The following ZNF33A variants were observed in gnomAD, a reference collection of about 807,000 sequenced individuals.
The protein encoded by ZNF33A is zinc finger protein 33A.
In ZNF33A, 9 loss-of-function variants were observed where a neutral mutation model predicts 15.9. The ratio of observed to expected loss-of-function variants is 0.57; its 90% CI spans 0.34 to 0.99. ZNF33A has a LOEUF of 0.99. Ranked by LOEUF, ZNF33A falls within the 50% of genes least tolerant of loss-of-function variation. The pLI is 0.02. For missense variants in ZNF33A, 843 were observed against 941.6 expected (o/e 0.90, Z 1.37); for synonymous variants, 294 against 324.2 (o/e 0.91, Z 1.00).
At chr10:38,027,670 A>G (rs1046303373) in intron 4 of ZNF33A, among the ~76,000 whole-genome samples, 1 of 152,114 alleles carries the variant, frequency 6.6e-6, no homozygotes, top group Non-Finnish European at 1.5e-5. Flanking sequence ...GTTAACTGTA[A>G]GAACTGTCAG....
chr10:38,034,098 A>G (rs1270016600), intron 4 of ZNF33A, among the ~76,000 whole-genome samples: 1 of 152,228 alleles, frequency 6.6e-6, no homozygotes, highest in African/African-American at 2.4e-5. Flanking sequence ...CATGACTTAT[A>G]GAAAAATTGG....
At chr10:38,014,515 C>T (rs1228365073) in intron 2 of ZNF33A, among the ~76,000 whole-genome samples, 1 of 152,202 alleles carries the variant, frequency 6.6e-6, no homozygotes, top group Non-Finnish European at 1.5e-5. Context: ...ACATCTCTTT[C>T]ATTGGAATGA....
At chr10:38,036,709 T>C (rs2065469918) in intron 4 of ZNF33A, among the ~76,000 whole-genome samples, 2 of 152,162 alleles carry the variant, frequency 1.3e-5, no homozygotes, top group African/African-American at 4.8e-5. Flanking sequence ...CTCTTCACTC[T>C]TACTCAACAT....
At chr10:38,038,439 T>G in intron 4 of ZNF33A, among the ~76,000 whole-genome samples, 1 of 152,230 alleles carries the variant, frequency 6.6e-6, no homozygotes. Flanking sequence ...ATTTGTTTGT[T>G]GTTAGTGAAC....
rs2135766805 is a variant in ZNF33A at position 38,055,386 on chromosome 10, C to G, written c.1262C>G (p.Thr421Ser). 1 of 1,613,862 alleles carries G rather than the reference C, an allele frequency of 6.2e-7. No individual in the cohort carries two copies. Among genetic ancestry groups the G allele is most frequent in the East Asian group, 2.2e-5 (1 of 44,812 alleles). Reference sequence around the variant, plus strand: ...TATCAATGTAATGCGTGTGGGAAAACTTTTTGCCAGAAATCTGACCTCACT... The same window carrying G: ...TATCAATGTAATGCGTGTGGGAAAAGTTTTTGCCAGAAATCTGACCTCACT... Reference protein sequence around the residue: ...KPYQCNACGKTFCQKSDLTKH... With the variant: ...KPYQCNACGKSFCQKSDLTKH... The change falls in exon 5 of 5, where the codon ACT becomes AGT. Residue 421 changes from threonine (T) to serine (S), a missense_variant. Physicochemically the swap from Thr to Ser is moderately conservative, Grantham distance 58. Transcript: ENST00000432900.
intron 4 of ZNF33A, among the ~76,000 whole-genome samples, chr10:38,037,410 G>GC (rs766246518): frequency 6.6e-6 from 1 of 151,260 alleles, no homozygotes; most frequent in Non-Finnish European, 1.5e-5. Context: ...TGCAACCTCT[G>GC]CCCCCTGGGT....
intron 4 of ZNF33A, among the ~76,000 whole-genome samples, chr10:38,031,218 C>A (rs570615239): frequency 1.6e-4 from 25 of 152,206 alleles, no homozygotes; most frequent in African/African-American, 6.0e-4. Flanking sequence ...ATGGAGAAAA[C>A]TGGGTGAGGG....
Position 38,039,398 on chromosome 10 carries a change from G to GTTTT in ZNF33A, c.251-14970_251-14967dup, listed in dbSNP as rs59435586. ...CCAGCACACCCAGCTAATTTTTTGT[G>GTTTT]TTTTTTTTTTGTAGAGATGGGGTTT... is the stretch of plus-strand genomic sequence containing the variant. On this transcript the variant is annotated intron_variant, in intron 4 of 4. Coordinates refer to ENST00000432900, the MANE Select transcript of ZNF33A (RefSeq NM_006954.2). 507 of 391,698 alleles carry GTTTT rather than the reference G, an allele frequency of 1.3e-3. 1 individual carries two copies. Among genetic ancestry groups the GTTTT allele is most frequent in the Non-Finnish European group, 1.9e-3 (382 of 196,248 alleles). The allele number at this position is 391,698 out of a possible 1,614,324, so 24.3% of individuals were successfully genotyped here.
Position 38,059,575 on chromosome 10 carries a change from C to T in ZNF33A, c.*3015C>T, listed in dbSNP as rs1211124760. The stretch of plus-strand genomic sequence containing the variant: ...AGTCATTAAAAGACACGGAGAAACC[C>T]TAAATGCTTATTGTTAAGTGAAAAC... On this transcript the variant is annotated 3_prime_UTR_variant, in exon 5 of 5. Coordinates refer to ENST00000432900, the MANE Select transcript of ZNF33A (RefSeq NM_006954.2). 6.6e-6 allele frequency: 1 copy of T among 152,104 alleles called. No homozygotes were observed. The highest frequency in any genetic ancestry group is 1.5e-5 in the Non-Finnish European group (1 of 68,014). 9.4% of individuals were successfully genotyped at this position (152,104 alleles called of 1,614,324 possible).
downstream of ZNF33A, among the ~76,000 whole-genome samples, chr10:38,065,359 C>G (rs1260984705): frequency 6.6e-6 from 1 of 152,146 alleles, no homozygotes; most frequent in East Asian, 1.9e-4. Context: ...CATGAGCCAC[C>G]GTGCTCGGCC....
Position 38,017,166 on chromosome 10 carries a change from G to T in ZNF33A, c.155-125G>T, listed in dbSNP as rs2064492852. 2.2e-6 allele frequency: 3 copies of T among 1,370,358 alleles called. 1 individual carries two copies. In the African/African-American group the frequency reaches 4.4e-5, roughly 20 times the overall value. 84.9% of individuals were successfully genotyped at this position (1,370,358 alleles called of 1,614,324 possible). On this transcript the variant is annotated intron_variant, in intron 3 of 4. Coordinates refer to ENST00000432900, the MANE Select transcript of ZNF33A (RefSeq NM_006954.2). Reference sequence around the variant, plus strand: ...CACCTCTGAGTACCAGAAGATACTTGTGTTCACCTCTCCAGTGAAAATGTT... The same window carrying T: ...CACCTCTGAGTACCAGAAGATACTTTTGTTCACCTCTCCAGTGAAAATGTT...
intron 4 of ZNF33A, among the ~76,000 whole-genome samples, chr10:38,032,050 G>A (rs549367692): frequency 6.6e-6 from 1 of 152,242 alleles, no homozygotes; most frequent in East Asian, 1.9e-4. Context: ...TTCTATATGA[G>A]AGATGCTGGA....
chr10:38,050,096 A>T (rs183475509), intron 4 of ZNF33A, among the ~76,000 whole-genome samples: 53 of 152,316 alleles, frequency 3.5e-4, no homozygotes, highest in Non-Finnish European at 6.2e-4. Flanking sequence ...TAATAGTACC[A>T]CTTCTATACA....
rs181490569 is a variant in ZNF33A at position 38,021,811 on chromosome 10, C to G, written c.250+4425C>G. Among the ~76,000 whole-genome samples, 10 of 152,110 alleles carry G rather than the reference C, an allele frequency of 6.6e-5. No individual in the cohort carries two copies. In the South Asian group the frequency reaches 8.3e-4, roughly 13 times the overall value. ...GTATGTTTTCTGGCCATAATGAAAC[C>G]AAACTACAAATCAGTAATAGAGTGA... On this transcript the variant is annotated intron_variant, in intron 4 of 4. Coordinates refer to ENST00000432900, the MANE Select transcript of ZNF33A (RefSeq NM_006954.2).
At chr10:38,035,310 G>GT (rs2065399647) in intron 4 of ZNF33A, among the ~76,000 whole-genome samples, 1 of 151,646 alleles carries the variant, frequency 6.6e-6, no homozygotes, top group South Asian at 2.1e-4. Context: ...AAGAGATGGG[G>GT]TTTTGCCATG....
chr10:38,047,921 A>C lies in ZNF33A; in HGVS notation c.251-6454A>C, dbSNP rs1410700356. Among the ~76,000 whole-genome samples, 3 of 152,214 alleles carry C rather than the reference A, an allele frequency of 2.0e-5. No homozygotes were observed. The East Asian group carries it at 5.8e-4, about 29-fold the overall frequency. ...AGTGTTAAAATGAAATCCTCAAAGC[A>C]GTCAGAGACAAAGGACATGTTTTAT... On this transcript the variant is annotated intron_variant, in intron 4 of 4. Coordinates refer to ENST00000432900, the MANE Select transcript of ZNF33A (RefSeq NM_006954.2).
At chr10:38,026,908 G>A (rs1564843828) in intron 4 of ZNF33A, among the ~76,000 whole-genome samples, 2 of 152,110 alleles carry the variant, frequency 1.3e-5, no homozygotes, top group East Asian at 1.9e-4. Flanking sequence ...GTCTCTGTGA[G>A]TATGACTGTT....
intron 4 of ZNF33A, among the ~76,000 whole-genome samples, chr10:38,022,745 TATAG>T (rs1031879764): frequency 2.6e-5 from 4 of 151,336 alleles, no homozygotes; most frequent in African/African-American, 9.7e-5. Flanking sequence ...GTCAGGGTGA[TATAG>T]ATAATTTGAA....
At chr10:38,023,884 C>T (rs1247861426) in intron 4 of ZNF33A, among the ~76,000 whole-genome samples, 2 of 152,046 alleles carry the variant, frequency 1.3e-5, no homozygotes. Context: ...TCAGGCCAGG[C>T]GCAGTGGCTC....
Sources: allele counts gnomAD v4.1 joint callset (sites outside exome capture counted in the v4.1 genomes callset), GRCh38; gene constraint gnomAD v4.1.1; transcripts MANE v1.5; gene names NCBI Gene and HGNC (gene_info 2026-07-23, HGNC 2026-07-21).